The following FRMD4A variants were observed in gnomAD, a reference collection of about 807,000 sequenced individuals.
FRMD4A encodes FERM domain containing 4A.
In FRMD4A, 29 loss-of-function variants were observed where a neutral mutation model predicts 129.1. That is an observed-to-expected ratio of 0.22 (90% CI 0.17 to 0.31). The LOEUF (loss-of-function observed/expected upper bound fraction) is 0.31, where lower values mean the gene tolerates loss of function less well. Among genes scored for constraint, FRMD4A ranks in the 10% least tolerant of loss-of-function variants. The pLI is 1.00. For synonymous variants in FRMD4A, 634 were observed against 571.6 expected (o/e 1.11, Z -1.56); for missense variants, 1,272 against 1,375.8 (o/e 0.92, Z 1.19).
intron 3 of FRMD4A, among the ~76,000 whole-genome samples, chr10:13,853,841 A>AC (rs1265923540): frequency 6.6e-6 from 1 of 151,530 alleles, no homozygotes; most frequent in African/African-American, 2.4e-5. Flanking sequence ...AAAAAAAAAA[A>AC]AAAAAAAAAA....
chr10:13,817,654 G>A (rs185524925), intron 3 of FRMD4A, among the ~76,000 whole-genome samples: 8 of 152,300 alleles, frequency 5.3e-5, no homozygotes, highest in South Asian at 4.2e-4. Flanking sequence ...CCCTGCACAA[G>A]CTCTCTTGCC....
intron 2 of FRMD4A, among the ~76,000 whole-genome samples, chr10:14,119,714 A>G (rs1162834866): frequency 6.6e-6 from 1 of 152,192 alleles, no homozygotes; most frequent in African/African-American, 2.4e-5. Context: ...TATGAAAGAC[A>G]AAACTTTGCA....
intron 14 of FRMD4A, among the ~76,000 whole-genome samples, chr10:13,699,476 G>C (rs201036384): frequency 6.6e-6 from 1 of 152,094 alleles, no homozygotes; most frequent in Non-Finnish European, 1.5e-5. Context: ...CCATCTTCCC[G>C]GGTGCAGCAG....
intron 2 of FRMD4A, among the ~76,000 whole-genome samples, chr10:14,304,981 C>G (rs1282459080): frequency 6.6e-6 from 1 of 151,886 alleles, no homozygotes; most frequent in African/African-American, 2.4e-5. Flanking sequence ...TTTTTTGTTT[C>G]CCTGCATTGC....
chr10:14,076,341 C>T (rs1835599781), intron 2 of FRMD4A, among the ~76,000 whole-genome samples: 1 of 152,130 alleles, frequency 6.6e-6, no homozygotes, highest in Non-Finnish European at 1.5e-5. Flanking sequence ...GCCAGATCCA[C>T]ATTAAAATGT....
At chr10:13,874,741 G>A (rs754320513) in intron 2 of FRMD4A, among the ~76,000 whole-genome samples, 9 of 152,102 alleles carry the variant, frequency 5.9e-5, no homozygotes, top group Non-Finnish European at 8.8e-5. Context: ...TTTCCCCATC[G>A]AAACAAGAGA....
At chr10:13,672,414 T>C (rs981493374) in intron 16 of FRMD4A, among the ~76,000 whole-genome samples, 3 of 152,118 alleles carry the variant, frequency 2.0e-5, no homozygotes, top group Non-Finnish European at 2.9e-5. Context: ...GAGGGTTTTA[T>C]ATTGTCAGGA....
chr10:13,839,679 G>C (rs979240673), intron 3 of FRMD4A, among the ~76,000 whole-genome samples: 4 of 152,200 alleles, frequency 2.6e-5, no homozygotes, highest in Non-Finnish European at 4.4e-5. Flanking sequence ...CAGCAAGCCA[G>C]GCCCACATCA....
intron 2 of FRMD4A, among the ~76,000 whole-genome samples, chr10:14,285,809 T>A (rs1845663033): frequency 6.6e-6 from 1 of 152,228 alleles, no homozygotes; most frequent in South Asian, 2.1e-4. Context: ...ACGTCAGGGA[T>A]CACTGCCAGC....
At chr10:14,048,895 TAGAATAGAAA>T (rs1375955929) in intron 2 of FRMD4A, among the ~76,000 whole-genome samples, 27 of 84,040 alleles carry the variant, frequency 3.2e-4, no homozygotes, top group African/African-American at 8.0e-4. Context: ...TAGAATAGAA[TAGAATAGAAA>T]ATAAAATGAA....
intron 2 of FRMD4A, among the ~76,000 whole-genome samples, chr10:13,978,066 G>C (rs1225530926): frequency 6.6e-6 from 1 of 152,180 alleles, no homozygotes; most frequent in Non-Finnish European, 1.5e-5. Flanking sequence ...TTGAGGAACT[G>C]CCAGACAGTT....
At chr10:14,244,974 G>A (rs1226984717) in intron 2 of FRMD4A, among the ~76,000 whole-genome samples, 2 of 152,186 alleles carry the variant, frequency 1.3e-5, no homozygotes, top group Admixed American at 6.5e-5. Context: ...AATTAGGCAC[G>A]ATCTTTCTGG....
chr10:14,223,081 G>C (rs1014840954), intron 2 of FRMD4A, among the ~76,000 whole-genome samples: 3 of 152,054 alleles, frequency 2.0e-5, no homozygotes, highest in Admixed American at 6.6e-5. Flanking sequence ...AGTGAGTTGA[G>C]ATTCTGTCTC....
intron 2 of FRMD4A, among the ~76,000 whole-genome samples, chr10:14,145,936 A>G (rs1840053128): frequency 6.6e-6 from 1 of 152,236 alleles, no homozygotes; most frequent in Admixed American, 6.5e-5. Flanking sequence ...GGACCAGCGG[A>G]TCACAGGCAC....
intron 2 of FRMD4A, among the ~76,000 whole-genome samples, chr10:13,997,115 TA>T (rs1186164835): frequency 6.6e-6 from 1 of 152,182 alleles, no homozygotes; most frequent in Non-Finnish European, 1.5e-5. Flanking sequence ...CAATAGATGA[TA>T]CTGAAATTGG....
chr10:14,244,450 T>C (rs1844162630), intron 2 of FRMD4A, among the ~76,000 whole-genome samples: 1 of 152,184 alleles, frequency 6.6e-6, no homozygotes, highest in Non-Finnish European at 1.5e-5. Flanking sequence ...GCGGATTACA[T>C]TGCCTGAGAT....
At chr10:14,316,771 G>A (rs1267698867) in intron 2 of FRMD4A, among the ~76,000 whole-genome samples, 3 of 152,200 alleles carry the variant, frequency 2.0e-5, no homozygotes, top group Non-Finnish European at 2.9e-5. Flanking sequence ...ACAGATAAGA[G>A]CAGAGCCAAA....
chr10:14,125,722 G>GAC (rs113478975), intron 2 of FRMD4A, among the ~76,000 whole-genome samples: 398 of 149,068 alleles, frequency 2.7e-3, no homozygotes, highest in East Asian at 0.01. Context: ...CTCACACACA[G>GAC]ACACACACAC....
chr10:14,214,953 A>G (rs918564705), intron 2 of FRMD4A, among the ~76,000 whole-genome samples: 3 of 152,240 alleles, frequency 2.0e-5, no homozygotes, highest in African/African-American at 7.2e-5. Context: ...GCTTGGGCCA[A>G]AAAGAAACAT....
Sources: allele counts gnomAD v4.1 joint callset (sites outside exome capture counted in the v4.1 genomes callset), GRCh38; gene constraint gnomAD v4.1.1; transcripts MANE v1.5; gene names NCBI Gene and HGNC (gene_info 2026-07-23, HGNC 2026-07-21).